ENOSF1: variants seen among roughly 807,000 people sequenced by gnomAD.
The protein encoded by ENOSF1 is mitochondrial enolase superfamily member 1.
In ENOSF1, 73 loss-of-function variants were observed where a neutral mutation model predicts 68.2. The observed-to-expected ratio is 1.07, with a 90% CI of 0.89 to 1.30. The LOEUF is 1.30. ENOSF1 is among the 50% of genes most tolerant of loss of function. The pLI is 0.00. For synonymous variants in ENOSF1, 223 were observed against 210.4 expected, an observed-to-expected ratio of 1.06 and a Z score of -0.52; for missense variants, 589 against 554.5, an observed-to-expected ratio of 1.06 and a Z score of -0.62.
rs1477273752 is a variant in ENOSF1 at position 690,705 on chromosome 18, C to T, written c.536-74G>A. The T allele has an allele frequency of 3.8e-6, 6 of 1,593,462 alleles. No homozygotes were observed. In the Admixed American group the frequency reaches 8.8e-5, roughly 23 times the overall value. ...GGAATTGGAAGTGCCTGTAGCTAAG[C>T]TGTTTCCCCTGGAGAGTCCAGCTGT... On this transcript the variant is annotated intron_variant, in intron 7 of 15. Coordinates refer to ENST00000647584, the MANE Select transcript of ENOSF1 (RefSeq NM_017512.7).
rs2075016609 is a variant in ENOSF1 at position 670,984 on chromosome 18, T to G, written c.*3321A>C. 3 of 1,278,848 alleles carry G rather than the reference T, an allele frequency of 2.3e-6. No individual in the cohort carries two copies. The African/African-American group carries it at 4.5e-5, about 19-fold the overall frequency. 79.2% of individuals were successfully genotyped at this position (1,278,848 alleles called of 1,614,324 possible). On this transcript the variant is annotated 3_prime_UTR_variant, in exon 16 of 16. Coordinates refer to ENST00000647584, the MANE Select transcript of ENOSF1 (RefSeq NM_017512.7). ...CTGATTAGCTTTTAAATTTGATATGTGTAAGTAAGAAATGAACCAGCTTTT... is the reference window on the plus strand; with the variant it reads ...CTGATTAGCTTTTAAATTTGATATGGGTAAGTAAGAAATGAACCAGCTTTT...
In ENOSF1 at chr18:706,580, T is replaced by G. The variant is rs1598811071; in HGVS notation, c.85-2A>C. The G allele has an allele frequency of 6.2e-7, 1 of 1,611,010 alleles. No homozygotes were observed. The highest frequency in any genetic ancestry group is 1.1e-5 in the South Asian group (1 of 90,982). On this transcript the variant is annotated splice_acceptor_variant, in intron 1 of 15. Transcript: ENST00000647584. LOFTEE classifies it high-confidence loss of function. ...AGCCGAGTAGTCAGGGTCCGTGTGC[T>G]GCAGGAGAAGAGTTCCCCGCCGAAA...
Position 694,241 on chromosome 18 carries a change from G to T in ENOSF1, c.396+7C>A, listed in dbSNP as rs780055701. 6.2e-7 allele frequency: 1 copy of T among 1,613,824 alleles called. No homozygotes were observed. Among genetic ancestry groups the T allele is most frequent in the South Asian group, 1.1e-5 (1 of 91,016 alleles). ...GGAGCCTCCTGAGCGTTTGTGAGAG[G>T]GGTTACCTTTCCCTCCTGCTTGGCC... On this transcript the variant is annotated splice_region_variant and intron_variant, in intron 4 of 15. Coordinates refer to ENST00000647584, the MANE Select transcript of ENOSF1 (RefSeq NM_017512.7).
Position 686,132 on chromosome 18 carries a change from G to C in ENOSF1, c.654-124C>G, listed in dbSNP as rs1318856960. ...CAGATATGTTTTTTAGTAACCTCTT[G>C]CTCTTTCCTCATCTTCAGATAAGTC... On this transcript the variant is annotated intron_variant, in intron 9 of 15. Coordinates refer to ENST00000647584, the MANE Select transcript of ENOSF1 (RefSeq NM_017512.7). 5.6e-6 allele frequency: 4 copies of C among 717,652 alleles called. No homozygotes were observed. In the East Asian group the frequency reaches 1.0e-4, roughly 19 times the overall value. 44.5% of individuals were successfully genotyped at this position (717,652 alleles called of 1,614,324 possible). A position where few individuals can be genotyped will look rare whatever the true frequency, so the allele number is the denominator to read the frequency against.
chr18:684,215 T>G (rs1432754716), intron 10 of ENOSF1, among the ~76,000 whole-genome samples: 1 of 151,990 alleles, frequency 6.6e-6, no homozygotes, highest in East Asian at 1.9e-4. Flanking sequence ...CAGGATGGTC[T>G]CAATCTCCTG....
chr18:701,153 T>C (rs1369790581), intron 2 of ENOSF1, among the ~76,000 whole-genome samples: 1 of 152,176 alleles, frequency 6.6e-6, no homozygotes, highest in Non-Finnish European at 1.5e-5. Flanking sequence ...TTTAAAAATT[T>C]TGTCTATTTA....
intron 10 of ENOSF1, 75 bp downstream of exon 10, chr18:685,846 C>T (rs1392539970): frequency 8.4e-7 from 1 of 1,187,896 alleles, no homozygotes; most frequent in Non-Finnish European, 1.3e-6. Context: ...TCCCAATGTT[C>T]TTTAATCTTG....
chr18:671,464 T>G lies in ENOSF1; in HGVS notation c.*2841A>C. On this transcript the variant is annotated 3_prime_UTR_variant, in exon 16 of 16. Coordinates refer to ENST00000647584, the MANE Select transcript of ENOSF1 (RefSeq NM_017512.7). Reference sequence around the variant, plus strand: ...ACTGAAAATTCAGGTAAGAATTAGATGTTATACTTTTGGGTTTGGTACCTT... The same window carrying G: ...ACTGAAAATTCAGGTAAGAATTAGAGGTTATACTTTTGGGTTTGGTACCTT... The G allele has an allele frequency of 6.3e-7, 1 of 1,586,830 alleles. No individual in the cohort carries two copies. The highest frequency in any genetic ancestry group is 1.1e-5 in the South Asian group (1 of 90,148).
In ENOSF1 at chr18:691,273, G is replaced by C. The variant is rs772039781; in HGVS notation, c.427C>G (p.Pro143Ala). ...TCTATGCAGGATACCAGCATCCTGG[G>C]ATCCTGGCAACGTGACAGGAGGGGA... ...PVWKLLVDMDPRMLVSCIDFR... is the reference protein window; with the variant it reads ...PVWKLLVDMDARMLVSCIDFR... The change falls in exon 6 of 16, where the codon CCC becomes GCC. Residue 143 changes from proline (P) to alanine (A), a missense_variant. Coordinates refer to ENST00000647584, the MANE Select transcript of ENOSF1 (RefSeq NM_017512.7). The C allele has an allele frequency of 1.9e-6, 3 of 1,612,798 alleles. No homozygotes were observed. The highest frequency in any genetic ancestry group is 2.7e-5 in the African/African-American group (2 of 74,902).
rs113888606 is a variant in ENOSF1 at position 671,256 on chromosome 18, A to G, written c.*3049T>C. 3.3e-4 allele frequency: 247 copies of G among 742,076 alleles called. 1 individual carries two copies. In the African/African-American group the frequency reaches 3.7e-3, roughly 11 times the overall value. 46.0% of individuals were successfully genotyped at this position (742,076 alleles called of 1,614,324 possible). On this transcript the variant is annotated 3_prime_UTR_variant, in exon 16 of 16. Transcript: ENST00000647584. The stretch of plus-strand genomic sequence containing the variant: ...GATGCTGTTGCTACAAAAAAATGGA[A>G]AAGCTACACTAAATTATTTTTTTAA...
chr18:675,842 G>A (rs62090142), intron 14 of ENOSF1, among the ~76,000 whole-genome samples: 1 of 152,072 alleles, frequency 6.6e-6, no homozygotes, highest in Non-Finnish European at 1.5e-5. Flanking sequence ...AGGGTTGGGA[G>A]GGCCATTTTG....
At chr18:683,495 C>T (rs2076308592) in intron 10 of ENOSF1, 115 bp from the exon 11 acceptor site, 2 of 1,241,162 alleles carry the variant, frequency 1.6e-6, no homozygotes, top group Non-Finnish European at 2.3e-6. Context: ...GAGTGAGACC[C>T]CCTAACGCCT....
rs1182267932 is a variant in ENOSF1, at chr18:706,468, A to G, written c.193+2T>C. On this transcript the variant is annotated splice_donor_variant, in intron 2 of 15. Transcript: ENST00000647584. LOFTEE classifies it high-confidence loss of function. The stretch of plus-strand genomic sequence containing the variant: ...GGAACCTCGAGAGAATCTTCAACTC[A>G]CCAACTTCAGTGCCTTTTCCCAGAG... The G allele has an allele frequency of 2.5e-6, 4 of 1,602,044 alleles. No homozygotes were observed. The highest frequency in any genetic ancestry group is 2.2e-5 in the South Asian group (2 of 90,822).
At chr18:704,440 G>GAAAAAAAAAAAAA (rs11429267) in intron 2 of ENOSF1, among the ~76,000 whole-genome samples, 11 of 97,250 alleles carry the variant, frequency 1.1e-4, no homozygotes, top group African/African-American at 3.1e-4. Flanking sequence ...AAAAAGAAAA[G>GAAAAAAAAAAAAA]AAAAAAAAAA....
intron 2 of ENOSF1, among the ~76,000 whole-genome samples, chr18:702,683 G>C (rs561962683): frequency 6.6e-6 from 1 of 152,222 alleles, no homozygotes; most frequent in East Asian, 1.9e-4. Flanking sequence ...AAGGCTGTAT[G>C]AGCCGTGATT....
Position 670,744 on chromosome 18 carries a change from G to C in ENOSF1, c.*3561C>G. The C allele has an allele frequency of 6.2e-7, 1 of 1,614,120 alleles. No homozygotes were observed. The highest frequency in any genetic ancestry group is 1.3e-5 in the African/African-American group (1 of 75,022). ...GCCATGCCCTCTGCCAGTTCTATGT[G>C]GTGAACAGTGAGCTGTCCTGCCAGC... On this transcript the variant is annotated 3_prime_UTR_variant, in exon 16 of 16. Transcript: ENST00000647584.
downstream of ENOSF1, chr18:669,418 G>A (rs2074939480): frequency 2.7e-6 from 1 of 375,882 alleles, no homozygotes; most frequent in East Asian, 4.4e-5. Context: ...TGTTGCCCAG[G>A]CTGGAATGCA....
At position 685,476 on chromosome 18, in the gene ENOSF1, T is replaced by G. The variant is rs144326478; in HGVS notation, c.741+445A>C. 4.3e-3 allele frequency among the ~76,000 whole-genome samples: 649 copies of G among 152,336 alleles called. 2 individuals carry two copies. Among genetic ancestry groups the G allele is most frequent in the African/African-American group, 0.015 (620 of 41,574 alleles). ...CCTCATAAAAACATCTTACTGTGAC[T>G]TTATGAAAATATTTTACACGTAAGA... On this transcript the variant is annotated intron_variant, in intron 10 of 15. Coordinates refer to ENST00000647584, the MANE Select transcript of ENOSF1 (RefSeq NM_017512.7).
downstream of ENOSF1, among the ~76,000 whole-genome samples, chr18:666,911 ATGGT>A (rs1567989380): frequency 7.5e-4 from 49 of 65,394 alleles, 10 homozygotes; most frequent in East Asian, 4.5e-3. Flanking sequence ...GGAGATGGTG[ATGGT>A]GATGGAGATG....
Sources: allele counts gnomAD v4.1 joint callset (sites outside exome capture counted in the v4.1 genomes callset), GRCh38; gene constraint gnomAD v4.1.1; transcripts MANE v1.5; gene names NCBI Gene and HGNC (gene_info 2026-07-23, HGNC 2026-07-21).